MSRB2: variants seen among roughly 807,000 people sequenced by gnomAD.
MSRB2 encodes the protein methionine sulfoxide reductase B2.
In MSRB2, 17 loss-of-function variants were observed where a neutral mutation model predicts 19.0. The ratio of observed to expected loss-of-function variants is 0.89; its 90% CI spans 0.61 to 1.34. The LOEUF (loss-of-function observed/expected upper bound fraction) is 1.34. MSRB2 is among the 40% of genes most tolerant of loss of function. The pLI, the probability that MSRB2 is intolerant of heterozygous loss-of-function variation, is 0.00. For missense variants in MSRB2, 208 were observed against 237.6 expected, an observed-to-expected ratio of 0.88 and a Z score of 0.82; for synonymous variants, 107 against 99.7, an observed-to-expected ratio of 1.07 and a Z score of -0.44.
At chr10:23,099,893 C>G (rs1839908827) in intron 1 of MSRB2, among the ~76,000 whole-genome samples, 1 of 152,246 alleles carries the variant, frequency 6.6e-6, no homozygotes, top group Non-Finnish European at 1.5e-5. Context: ...AAGCTCAATT[C>G]ATGAGAGTCC....
intron 2 of MSRB2, 56 bp from the exon 3 acceptor site, chr10:23,110,186 C>G: frequency 7.2e-7 from 1 of 1,384,932 alleles, no homozygotes; most frequent in East Asian, 2.3e-5. Context: ...TCTGCTGTTT[C>G]AACTCCTGCC....
intron 3 of MSRB2, among the ~76,000 whole-genome samples, chr10:23,117,291 G>A (rs950635741): frequency 6.6e-6 from 1 of 152,036 alleles, no homozygotes; most frequent in Non-Finnish European, 1.5e-5. Flanking sequence ...AGAGATTCCT[G>A]GGGGGGACCT....
Position 23,104,451 on chromosome 10 carries a change from T to TC in MSRB2, c.219+209dup, listed in dbSNP as rs550343967. On this transcript the variant is annotated intron_variant, in intron 2 of 4. Transcript: ENST00000376510. ...CTGGACACAGCATCTCTATTCTGAC[T>TC]CCTAAATAACCTTCCTGTCATTTCA... Among the ~76,000 whole-genome samples the TC allele has an allele frequency of 2.5e-4, 38 of 152,210 alleles. No individual in the cohort carries two copies. In the East Asian group the frequency reaches 7.3e-3, roughly 29 times the overall value.
At chr10:23,100,984 G>A (rs552057305) in intron 1 of MSRB2, among the ~76,000 whole-genome samples, 49 of 151,922 alleles carry the variant, frequency 3.2e-4, no homozygotes, top group Non-Finnish European at 5.1e-4. Flanking sequence ...GAGTGGAAAA[G>A]GTTTTTTGTT....
At chr10:23,108,657 G>A (rs928453794) in intron 2 of MSRB2, among the ~76,000 whole-genome samples, 1 of 151,676 alleles carries the variant, frequency 6.6e-6, no homozygotes, top group Non-Finnish European at 1.5e-5. Flanking sequence ...TGCATTTTTA[G>A]TAGAGATGGG....
intron 2 of MSRB2, among the ~76,000 whole-genome samples, chr10:23,109,837 T>A (rs1367772576): frequency 6.6e-6 from 1 of 152,252 alleles, no homozygotes; most frequent in Non-Finnish European, 1.5e-5. Flanking sequence ...ATTTATATTC[T>A]GTCTTTAATT....
At chr10:23,095,911 C>T (rs73602514) in intron 1 of MSRB2, among the ~76,000 whole-genome samples, 185 bp downstream of exon 1, 1,776 of 147,708 alleles carry the variant, frequency 0.012, 38 homozygotes, top group African/African-American at 0.043. Flanking sequence ...TTGGTGGCGG[C>T]AGGGTGGGGA....
chr10:23,106,795 G>A (rs746341657), intron 2 of MSRB2, among the ~76,000 whole-genome samples: 1 of 152,218 alleles, frequency 6.6e-6, no homozygotes, highest in Non-Finnish European at 1.5e-5. Flanking sequence ...GCCCAGGGAT[G>A]CGTTGCCCTC....
chr10:23,110,948 A>G (rs1489116312), intron 3 of MSRB2, among the ~76,000 whole-genome samples: 1 of 152,194 alleles, frequency 6.6e-6, no homozygotes, highest in African/African-American at 2.4e-5. Context: ...GATGGAGAAG[A>G]AAGGAAAACA....
intron 1 of MSRB2, among the ~76,000 whole-genome samples, chr10:23,096,852 G>A (rs1243514843): frequency 6.6e-6 from 1 of 152,156 alleles, no homozygotes; most frequent in Non-Finnish European, 1.5e-5. Context: ...CACAGTTACC[G>A]ACGAGCTCTC....
At position 23,119,956 on chromosome 10, in the gene MSRB2, CT is replaced by C. The variant is rs1840163875; in HGVS notation, c.444+506del. Among the ~76,000 whole-genome samples, 3 of 152,200 alleles carry C rather than the reference CT, an allele frequency of 2.0e-5. No homozygotes were observed. In the South Asian group the frequency reaches 6.2e-4, roughly 32 times the overall value. ...TCACTCTCTCCCTTCAATCTGGGCACTGCAAAAAAGAGAAAAGTCTTCTCCA... is the reference window on the plus strand; with the variant it reads ...TCACTCTCTCCCTTCAATCTGGGCACGCAAAAAAGAGAAAAGTCTTCTCCA... On this transcript the variant is annotated intron_variant, in intron 4 of 4. Transcript: ENST00000376510.
intron 1 of MSRB2, among the ~76,000 whole-genome samples, chr10:23,099,955 A>G (rs1839909526): frequency 6.6e-6 from 1 of 152,198 alleles, no homozygotes; most frequent in African/African-American, 2.4e-5. Flanking sequence ...CAGCTACTAT[A>G]GTGTACTGCC....
At chr10:23,107,076 T>A (rs1455185576) in intron 2 of MSRB2, among the ~76,000 whole-genome samples, 2 of 152,214 alleles carry the variant, frequency 1.3e-5, no homozygotes, top group East Asian at 3.8e-4. Flanking sequence ...TTTCTTTTAT[T>A]TCCACTGCTC....
intron 3 of MSRB2, among the ~76,000 whole-genome samples, chr10:23,116,479 A>G (rs1225570481): frequency 6.6e-6 from 1 of 152,246 alleles, no homozygotes; most frequent in Non-Finnish European, 1.5e-5. Flanking sequence ...CATGTAACAT[A>G]TGACCTATGT....
Position 23,105,212 on chromosome 10 carries a change from C to CTGTGTGTGTG in MSRB2, c.219+990_219+999dup, listed in dbSNP as rs36039793. Among the ~76,000 whole-genome samples the CTGTGTGTGTG allele has an allele frequency of 9.2e-3, 1,358 of 147,168 alleles. 21 individuals carry two copies. Among genetic ancestry groups the CTGTGTGTGTG allele is most frequent in the African/African-American group, 0.032 (1,277 of 40,108 alleles). ...CATTTATCTCTCTCTCTCTGTGTGT[C>CTGTGTGTGTG]TGTGTGTGTGTGTGTGTGTGTGTGT... On this transcript the variant is annotated intron_variant, in intron 2 of 4. Coordinates refer to ENST00000376510, the MANE Select transcript of MSRB2 (RefSeq NM_012228.4).
At position 23,095,597 on chromosome 10, in the gene MSRB2, G is replaced by A; in HGVS notation, c.-12G>A. On this transcript the variant is annotated 5_prime_UTR_variant, in exon 1 of 5. Transcript: ENST00000376510. ...AGAGGGCAGAGGGCGGAGCGGCGCC[G>A]GAGCGGGCGTCATGGCGCGGCTCCT... is the stretch of plus-strand genomic sequence containing the variant. 6.8e-7 allele frequency: 1 copy of A among 1,477,796 alleles called. No individual in the cohort carries two copies. Among genetic ancestry groups the A allele is most frequent in the Non-Finnish European group, 8.9e-7 (1 of 1,119,818 alleles). 91.5% of individuals were successfully genotyped at this position (1,477,796 alleles called of 1,614,324 possible).
chr10:23,104,166 G>A lies in MSRB2; in HGVS notation c.141G>A (p.Leu47=). 1 of 1,613,668 alleles carries A rather than the reference G, an allele frequency of 6.2e-7. No homozygotes were observed. ...GEAGSLATCE[L]PLAKSEWQKK... ...CAGGGTCTCTTGCAACGTGTGAGCTGCCTCTTGCCAAGAGTGAGTGGCAAA... is the reference window on the plus strand; with the variant it reads ...CAGGGTCTCTTGCAACGTGTGAGCTACCTCTTGCCAAGAGTGAGTGGCAAA... Residue 47 remains leucine (L), a synonymous_variant, in exon 2 of 5, where the codon CTG becomes CTA. Transcript: ENST00000376510.
At chr10:23,119,516 G>T in intron 4 of MSRB2, 65 bp downstream of exon 4, 1 of 1,559,042 alleles carries the variant, frequency 6.4e-7, no homozygotes, top group Non-Finnish European at 8.7e-7. Context: ...GAGCTCTCTT[G>T]TTCTTGGCAA....
chr10:23,103,054 AAAAG>A (rs1839942703), intron 1 of MSRB2, among the ~76,000 whole-genome samples: 1 of 151,874 alleles, frequency 6.6e-6, no homozygotes, highest in Non-Finnish European at 1.5e-5. Flanking sequence ...AACAGTAATA[AAAAG>A]AAAGAAGAAA....
Sources: gnomAD v4.1 joint callset for allele counts (sites outside exome capture counted in the v4.1 genomes callset) on GRCh38, gnomAD v4.1.1 for gene constraint, MANE v1.5 for transcripts, NCBI Gene and HGNC (gene_info 2026-07-23, HGNC 2026-07-21) for gene names.